Variants in ZFHX3 observed in about 807,000 individuals in gnomAD.
The protein encoded by ZFHX3 is zinc finger homeobox protein 3.
In ZFHX3, 42 loss-of-function variants were observed where a neutral mutation model predicts 279.1. That is an observed-to-expected ratio of 0.15 (90% CI 0.12 to 0.19). The LOEUF is 0.19. ZFHX3 is among the 10% of genes least tolerant of loss of function. The pLI is 1.00. For synonymous variants in ZFHX3, 2,293 were observed against 1,957.8 expected, an observed-to-expected ratio of 1.17 and a Z score of -4.52; for missense variants, 4,981 against 4,754.0, an observed-to-expected ratio of 1.05 and a Z score of -1.40.
chr16:73,244,951 G>A (rs1311518143), intron 5 of ZFHX3, among the ~76,000 whole-genome samples: 1 of 152,128 alleles, frequency 6.6e-6, no homozygotes, highest in Non-Finnish European at 1.5e-5. Flanking sequence ...CAGAAGTGGG[G>A]GCTTACAATT....
At chr16:73,128,561 G>A (rs770697861) in intron 7 of ZFHX3, among the ~76,000 whole-genome samples, 17 of 151,528 alleles carry the variant, frequency 1.1e-4, no homozygotes, top group Non-Finnish European at 1.8e-4. Flanking sequence ...TCTCAGCTTG[G>A]GTACTTAATA....
intron 1 of ZFHX3, among the ~76,000 whole-genome samples, chr16:72,984,076 C>A (rs922532393): frequency 6.6e-6 from 1 of 152,200 alleles, no homozygotes; most frequent in African/African-American, 2.4e-5. Context: ...TTGCCTATAC[C>A]TGCTCACGCT....
intron 3 of ZFHX3, among the ~76,000 whole-genome samples, chr16:72,925,202 C>T (rs933015173): frequency 3.3e-5 from 5 of 152,176 alleles, no homozygotes; most frequent in Admixed American, 1.3e-4. Context: ...CTATCGAAAT[C>T]GGTCGTGAGG....
chr16:73,443,174 C>A (rs994978476), intron 3 of ZFHX3, among the ~76,000 whole-genome samples: 2 of 152,120 alleles, frequency 1.3e-5, no homozygotes, highest in African/African-American at 2.4e-5. Flanking sequence ...GGATCTGAAG[C>A]TTTCTTTATA....
chr16:73,846,847 A>AC (rs1961461906), intron 1 of ZFHX3, among the ~76,000 whole-genome samples: 1 of 152,108 alleles, frequency 6.6e-6, no homozygotes, highest in Non-Finnish European at 1.5e-5. Flanking sequence ...ACGTTCCTAC[A>AC]CCCCCATAAA....
chr16:73,838,972 C>T (rs895052594), intron 1 of ZFHX3, among the ~76,000 whole-genome samples: 1 of 152,000 alleles, frequency 6.6e-6, no homozygotes, highest in African/African-American at 2.4e-5. Context: ...AAGGAAGAAC[C>T]AGGATGTCAG....
At chr16:73,623,128 C>T (rs930419522) in intron 2 of ZFHX3, among the ~76,000 whole-genome samples, 8 of 152,032 alleles carry the variant, frequency 5.3e-5, no homozygotes, top group Admixed American at 1.3e-4. Flanking sequence ...GCTCCGCCTC[C>T]CGGGTTCACA....
intron 3 of ZFHX3, among the ~76,000 whole-genome samples, chr16:73,417,673 A>G (rs2017618116): frequency 6.6e-6 from 1 of 151,744 alleles, no homozygotes; most frequent in Non-Finnish European, 1.5e-5. Context: ...AATTTTTTAA[A>G]AAGGAAAAAG....
Position 72,793,731 on chromosome 16 carries a change from C to G in ZFHX3, c.8951G>C (p.Gly2984Ala), listed in dbSNP as rs757201511. The G allele has an allele frequency of 1.4e-5, 23 of 1,614,160 alleles. No homozygotes were observed. The highest frequency in any genetic ancestry group is 1.9e-5 in the Non-Finnish European group (22 of 1,180,046). ...LECEVLGNDI[G>A]LPKRVVQVWF... ...GACCTGAACGACTCTCTTTGGCAGT[C>G]CAATGTCATTGCCCAGGACCTCACA... Residue 2984 changes from glycine (G) to alanine (A), a missense_variant, in exon 9 of 10, where the codon GGA becomes GCA. Physicochemically the swap from Gly to Ala is moderately conservative, Grantham distance 60. This residue lies in a region of ZFHX3 where 168 missense variants were observed against 249.1 expected (regional missense o/e 0.67). Coordinates refer to ENST00000268489, the MANE Select transcript of ZFHX3 (RefSeq NM_006885.4). This position sits in a 1 kb window ranked among gnomAD's most constrained non-coding sequence, Gnocchi z 4.3.
At chr16:72,808,833 T>G (rs1156360110) in intron 7 of ZFHX3, among the ~76,000 whole-genome samples, 1 of 152,232 alleles carries the variant, frequency 6.6e-6, no homozygotes, top group Non-Finnish European at 1.5e-5. Context: ...CAATTTTATA[T>G]TTGCAAAATA....
At chr16:72,880,480 A>G (rs1212145496) in intron 4 of ZFHX3, among the ~76,000 whole-genome samples, 1 of 152,168 alleles carries the variant, frequency 6.6e-6, no homozygotes, top group Non-Finnish European at 1.5e-5. Context: ...AGGCTATATG[A>G]GACCAAGGCC....
intron 5 of ZFHX3, among the ~76,000 whole-genome samples, chr16:73,245,845 G>C (rs55986695): frequency 6.6e-6 from 1 of 152,094 alleles, no homozygotes; most frequent in Non-Finnish European, 1.5e-5. Context: ...TAAGAGTAAG[G>C]GTCCTAGAAG....
intron 6 of ZFHX3, chr16:73,137,467 G>C (rs1255534135): frequency 6.6e-6 from 1 of 152,020 alleles, no homozygotes; most frequent in African/African-American, 2.4e-5. Flanking sequence ...TGCCTTCTAA[G>C]GAGATTAAGA....
At chr16:73,709,346 C>CAGAG (rs59857152) in intron 1 of ZFHX3, among the ~76,000 whole-genome samples, 404 of 145,272 alleles carry the variant, frequency 2.8e-3, no homozygotes, top group African/African-American at 7.2e-3. Flanking sequence ...GGCTGTGTGA[C>CAGAG]AGAGAGAGAG....
At chr16:73,134,271 G>A (rs1168683498) in intron 6 of ZFHX3, among the ~76,000 whole-genome samples, 1 of 150,320 alleles carries the variant, frequency 6.7e-6, no homozygotes, top group Non-Finnish European at 1.5e-5. Flanking sequence ...AGACTTTGAG[G>A]ACTAGCTTTG....
At chr16:73,867,769 T>C (rs1962065105) in intron 1 of ZFHX3, among the ~76,000 whole-genome samples, 1 of 152,196 alleles carries the variant, frequency 6.6e-6, no homozygotes, top group Admixed American at 6.5e-5. Flanking sequence ...TCCATTAGGT[T>C]AGGCTTGCTG....
intron 1 of ZFHX3, among the ~76,000 whole-genome samples, chr16:73,884,373 T>C (rs2030278359): frequency 6.6e-6 from 1 of 152,220 alleles, no homozygotes; most frequent in South Asian, 2.1e-4. Flanking sequence ...ATGGACTAAA[T>C]GCTAATGCAA....
At chr16:72,955,842 T>C (rs1961229005) in intron 2 of ZFHX3, among the ~76,000 whole-genome samples, 1 of 151,724 alleles carries the variant, frequency 6.6e-6, no homozygotes, top group African/African-American at 2.4e-5. Flanking sequence ...CCACGTTCTG[T>C]CTTCATTCCA....
intron 3 of ZFHX3, among the ~76,000 whole-genome samples, chr16:73,381,185 A>G (rs959268637): frequency 6.6e-6 from 1 of 152,184 alleles, no homozygotes; most frequent in Non-Finnish European, 1.5e-5. Context: ...AAACAAATAG[A>G]TATCTTCTCA....
Sources: allele counts gnomAD v4.1 joint callset (sites outside exome capture counted in the v4.1 genomes callset), GRCh38; gene constraint gnomAD v4.1.1; regional missense constraint gnomAD v4.1.1; non-coding constraint Gnocchi (gnomAD v3.1); transcripts MANE v1.5; gene names NCBI Gene and HGNC (gene_info 2026-07-23, HGNC 2026-07-21).